The following DAPK1 variants were observed in gnomAD, a reference collection of about 807,000 sequenced individuals.
DAPK1 encodes death associated protein kinase 1.
DAPK1 carries 56 observed loss-of-function variants against 144.9 expected under a neutral mutation model. The ratio of observed to expected loss-of-function variants is 0.39; its 90% confidence interval spans 0.31 to 0.48. The LOEUF (loss-of-function observed/expected upper bound fraction) is 0.48, where lower values mean the gene tolerates loss of function less well. Among genes scored for constraint, DAPK1 ranks in the 20% least tolerant of loss-of-function variants. The pLI is 0.95. For synonymous variants in DAPK1, 690 were observed against 749.0 expected (o/e 0.92, Z 1.29); for missense variants, 1,454 against 1,875.4 (o/e 0.78, Z 4.15).
chr9:87,682,251 A>G (rs184261734), intron 20 of DAPK1, among the ~76,000 whole-genome samples: 1 of 152,284 alleles, frequency 6.6e-6, no homozygotes, highest in African/African-American at 2.4e-5. Context: ...CGGGCCTTCC[A>G]CAGACAGGGT....
At chr9:87,632,091 G>T in intron 3 of DAPK1, 1 of 627,256 alleles carries the variant, frequency 1.6e-6, no homozygotes, top group Non-Finnish European at 2.0e-6. Context: ...TATATATGTA[G>T]AAATATATAT....
At chr9:87,499,636 T>G (rs1190312893) in intron 2 of DAPK1, among the ~76,000 whole-genome samples, 1 of 152,174 alleles carries the variant, frequency 6.6e-6, no homozygotes, top group East Asian at 1.9e-4. Flanking sequence ...GGGCTTGGAT[T>G]TTGAAACTTC....
At chr9:87,536,510 A>G (rs1276340460) in intron 2 of DAPK1, among the ~76,000 whole-genome samples, 2 of 152,226 alleles carry the variant, frequency 1.3e-5, no homozygotes, top group African/African-American at 4.8e-5. Context: ...TCTGCAAGTC[A>G]TGTGGGAATT....
chr9:87,577,429 A>C (rs1827603192), intron 2 of DAPK1, among the ~76,000 whole-genome samples: 1 of 152,112 alleles, frequency 6.6e-6, no homozygotes, highest in Admixed American at 6.5e-5. Flanking sequence ...TAAAATACGA[A>C]AGCCAGGGTC....
chr9:87,609,316 A>G (rs1442758533), intron 3 of DAPK1, among the ~76,000 whole-genome samples: 1 of 152,160 alleles, frequency 6.6e-6, no homozygotes, highest in Non-Finnish European at 1.5e-5. Context: ...AAATTCCTAT[A>G]TATGCATATG....
intron 2 of DAPK1, among the ~76,000 whole-genome samples, chr9:87,562,069 G>A (rs1022157380): frequency 5.9e-5 from 9 of 152,216 alleles, no homozygotes; most frequent in Non-Finnish European, 1.0e-4. Context: ...ATGCATCGCT[G>A]CCCTGAGTAA....
At position 87,681,328 on chromosome 9, in the gene DAPK1, C is replaced by T. The variant is rs988183399; in HGVS notation, c.2002-76C>T. 3.9e-5 allele frequency: 32 copies of T among 812,172 alleles called. No homozygotes were observed. In the African/African-American group the frequency reaches 4.3e-4, roughly 11 times the overall value. The allele number at this position is 812,172 out of a possible 1,614,324, so 50.3% of individuals were successfully genotyped here. On this transcript the variant is annotated intron_variant, in intron 19 of 25. Coordinates refer to ENST00000408954, the MANE Select transcript of DAPK1 (RefSeq NM_004938.4). ...TTCAGCATGGGTAAAAACTGCACAC[C>T]GGGGATTAGGAATCTTGAGAATCAT...
intron 3 of DAPK1, among the ~76,000 whole-genome samples, chr9:87,609,193 G>T (rs561178626): frequency 6.6e-6 from 1 of 152,130 alleles, no homozygotes; most frequent in African/African-American, 2.4e-5. Flanking sequence ...CTCTTCCTGC[G>T]TCTTGAGCCT....
intron 2 of DAPK1, among the ~76,000 whole-genome samples, chr9:87,541,996 A>G (rs1428389792): frequency 6.6e-6 from 1 of 152,200 alleles, no homozygotes; most frequent in Admixed American, 6.5e-5. Context: ...AAATCCTCAG[A>G]TTGTTTTAGA....
chr9:87,651,622 C>G lies in DAPK1; in HGVS notation c.1722C>G (p.Asp574Glu), dbSNP rs1830446329. The G allele has an allele frequency of 6.2e-7, 1 of 1,614,182 alleles. No individual in the cohort carries two copies. The highest frequency in any genetic ancestry group is 8.5e-7 in the Non-Finnish European group (1 of 1,180,010). Reference sequence around the variant, plus strand: ...AAGGGTGTTTCGTCGATTATCAAGACAGGCACGGCAATACTCCCCTCCATG... The same window carrying G: ...AAGGGTGTTTCGTCGATTATCAAGAGAGGCACGGCAATACTCCCCTCCATG... ...LSQGCFVDYQ[D>E]RHGNTPLHVA... Residue 574 changes from aspartate to glutamate, a missense_variant, in exon 17 of 26, where the codon GAC becomes GAG. Asp to Glu is a conservative substitution (Grantham distance 45). Transcript: ENST00000408954.
At chr9:87,672,562 G>T (rs1824210839) in intron 19 of DAPK1, among the ~76,000 whole-genome samples, 1 of 152,154 alleles carries the variant, frequency 6.6e-6, no homozygotes, top group South Asian at 2.1e-4. Context: ...GAGGCCCAGG[G>T]TTCTAATTCC....
chr9:87,616,431 A>G (rs11789273), intron 3 of DAPK1, among the ~76,000 whole-genome samples: 1 of 152,226 alleles, frequency 6.6e-6, no homozygotes, highest in African/African-American at 2.4e-5. Context: ...TGGCTCAAGA[A>G]CCAGTTAGTT....
At position 87,686,548 on chromosome 9, in the gene DAPK1, C is replaced by T; in HGVS notation, c.2225-3C>T. The T allele has an allele frequency of 1.3e-6, 2 of 1,524,480 alleles. No individual in the cohort carries two copies. The highest frequency in any genetic ancestry group is 1.8e-6 in the Non-Finnish European group (2 of 1,118,832). 94.4% of individuals were successfully genotyped at this position (1,524,480 alleles called of 1,614,324 possible). On this transcript the variant is annotated splice_region_variant and splice_polypyrimidine_tract_variant and intron_variant, in intron 20 of 25. Transcript: ENST00000408954. The surrounding 1 kb of genome is among the most constrained non-coding windows in gnomAD (Gnocchi z 4.2). Reference sequence around the variant, plus strand: ...TACTCATGTGATCCTTTCCATCCTGCAGTCTCAGTGAGCATCAACAACCTG... The same window carrying T: ...TACTCATGTGATCCTTTCCATCCTGTAGTCTCAGTGAGCATCAACAACCTG...
intron 21 of DAPK1, among the ~76,000 whole-genome samples, chr9:87,696,671 C>T (rs1825269286): frequency 6.6e-6 from 1 of 152,168 alleles, no homozygotes; most frequent in South Asian, 2.1e-4. Flanking sequence ...CTAATCCATT[C>T]CCATGAGAAC....
intron 2 of DAPK1, among the ~76,000 whole-genome samples, chr9:87,545,276 T>C (rs1826202514): frequency 6.6e-6 from 1 of 152,174 alleles, no homozygotes; most frequent in African/African-American, 2.4e-5. Context: ...TAATGAGCTT[T>C]AGAAAGGGTT....
At chr9:87,557,790 A>T (rs1182418597) in intron 2 of DAPK1, among the ~76,000 whole-genome samples, 1 of 152,138 alleles carries the variant, frequency 6.6e-6, no homozygotes, top group Non-Finnish European at 1.5e-5. Context: ...AAATTACATA[A>T]ATTAGCTCGG....
At chr9:87,531,344 A>G (rs1323945615) in intron 2 of DAPK1, among the ~76,000 whole-genome samples, 2 of 152,216 alleles carry the variant, frequency 1.3e-5, no homozygotes, top group Non-Finnish European at 2.9e-5. Context: ...ACAATATTTG[A>G]AAATGGACGT....
At chr9:87,639,841 ACT>A (rs1289560641) in intron 7 of DAPK1, 26 bp downstream of exon 7, 3 of 1,611,134 alleles carry the variant, frequency 1.9e-6, no homozygotes, top group South Asian at 2.2e-5. Context: ...CACAACTCAT[ACT>A]CTCTTCTCTT....
intron 2 of DAPK1, among the ~76,000 whole-genome samples, chr9:87,576,276 A>G (rs888049418): frequency 6.6e-6 from 1 of 152,274 alleles, no homozygotes; most frequent in Non-Finnish European, 1.5e-5. Context: ...GTTTTCCTGT[A>G]GTGAGTGTGT....
Sources: gnomAD v4.1 joint callset for allele counts (sites outside exome capture counted in the v4.1 genomes callset) on GRCh38, gnomAD v4.1.1 for gene constraint, Gnocchi (gnomAD v3.1) non-coding constraint, MANE v1.5 for transcripts, NCBI Gene and HGNC (gene_info 2026-07-23, HGNC 2026-07-21) for gene names.